Variants in LIPC observed in about 807,000 individuals in gnomAD.
LIPC encodes hepatic triacylglycerol lipase.
Under a neutral mutation model 50.7 loss-of-function variants are expected in LIPC, and 44 were observed. That is an observed-to-expected ratio of 0.87 (90% CI 0.68 to 1.11). The LOEUF (loss-of-function observed/expected upper bound fraction) is 1.11, where lower values mean the gene tolerates loss of function less well. Ranked by LOEUF, LIPC falls within the 50% of genes most tolerant of loss-of-function variation. The pLI is 0.00. For missense variants in LIPC, 697 were observed against 648.2 expected (o/e 1.08, Z -0.82); for synonymous variants, 271 against 256.4 (o/e 1.06, Z -0.54).
chr15:58,490,123 A>G (rs1218460305), intron 1 of LIPC, among the ~76,000 whole-genome samples: 1 of 152,224 alleles, frequency 6.6e-6, no homozygotes, highest in African/African-American at 2.4e-5. Context: ...CATTTTTGAA[A>G]CTGGGAAAAT....
chr15:58,531,644 A>AAC (rs1555404494), intron 1 of LIPC, among the ~76,000 whole-genome samples: 1 of 149,356 alleles, frequency 6.7e-6, no homozygotes, highest in South Asian at 2.1e-4. Context: ...AAAAAAAAAA[A>AAC]CCCCAGAATA....
chr15:58,557,752 T>A (rs969628394), intron 6 of LIPC, among the ~76,000 whole-genome samples: 2 of 152,170 alleles, frequency 1.3e-5, no homozygotes, highest in African/African-American at 4.8e-5. Context: ...TTAATACATA[T>A]CATATTAAAC....
intron 1 of LIPC, among the ~76,000 whole-genome samples, chr15:58,457,469 G>A (rs147932910): frequency 6.6e-6 from 1 of 152,166 alleles, no homozygotes; most frequent in African/African-American, 2.4e-5. Flanking sequence ...AGGCCTACAA[G>A]GCACCCCGTT....
At position 58,538,406 on chromosome 15, in the gene LIPC, CTT is replaced by C. The variant is rs776917225; in HGVS notation, c.164_165del (p.Phe55TrpfsTer146). ...ATGAGATGAAGACCAGATTCCTGCTCTTTGGAGAAACCAATCAGGGCTGTCAG... is the reference window on the plus strand; with the variant it reads ...ATGAGATGAAGACCAGATTCCTGCTCTGGAGAAACCAATCAGGGCTGTCAG... The part of the protein sequence containing the change: ...LHEMKTRFLL[F>X]GETNQGCQIR... On this transcript the variant is annotated frameshift_variant, in exon 2 of 9. Transcript: ENST00000299022. LOFTEE classifies it high-confidence loss of function. 1.2e-6 allele frequency: 2 copies of C among 1,614,152 alleles called. No individual in the cohort carries two copies. The highest frequency in any genetic ancestry group is 1.7e-6 in the Non-Finnish European group (2 of 1,180,016).
At chr15:58,470,760 C>T (rs1894764924) in intron 1 of LIPC, among the ~76,000 whole-genome samples, 1 of 152,100 alleles carries the variant, frequency 6.6e-6, no homozygotes, top group Non-Finnish European at 1.5e-5. Context: ...CCACCACACA[C>T]AGCTAATTTT....
At chr15:58,481,740 G>A (rs113194763) in intron 1 of LIPC, among the ~76,000 whole-genome samples, 6,726 of 152,244 alleles carry the variant, frequency 0.044, 187 homozygotes, top group Admixed American at 0.066. Context: ...CAGAGGTTAC[G>A]GTGAGCCGAG....
At chr15:58,433,519 C>T (rs1893191289) in intron 1 of LIPC, among the ~76,000 whole-genome samples, 1 of 152,342 alleles carries the variant, frequency 6.6e-6, no homozygotes, top group African/African-American at 2.4e-5. Context: ...GTCAACCATG[C>T]AGTTTCGTGG....
At chr15:58,564,112 A>T (rs6494023) in intron 8 of LIPC, 273,240 of 277,502 alleles carry the variant, frequency 0.98, 134,662 homozygotes, top group Non-Finnish European at 1. Flanking sequence ...TTGCCCAAAG[A>T]AAATCTTTTA....
intron 1 of LIPC, among the ~76,000 whole-genome samples, chr15:58,479,919 G>T (rs546506188): frequency 6.6e-6 from 1 of 152,272 alleles, no homozygotes; most frequent in South Asian, 2.1e-4. Context: ...GCCTCAGTTT[G>T]CTTCTCTGTA....
At position 58,538,456 on chromosome 15, in the gene LIPC, C is replaced by A. The variant is rs768938270; in HGVS notation, c.212C>A (p.Thr71Lys). Residue 71 changes from threonine to lysine, a missense_variant, in exon 2 of 9, where the codon ACG becomes AAG. Transcript: ENST00000299022. Reference protein sequence around the residue: ...GCQIRINHPDTLQECGFNSSL... With the variant: ...GCQIRINHPDKLQECGFNSSL... The stretch of plus-strand genomic sequence containing the variant: ...CAGATTCGAATCAATCATCCGGACA[C>A]GTTACAGGAGTGCGGCTTCAACTCC... 1.2e-6 allele frequency: 2 copies of A among 1,614,160 alleles called. No homozygotes were observed. Among genetic ancestry groups the A allele is most frequent in the East Asian group, 4.5e-5 (2 of 44,886 alleles).
intron 8 of LIPC, 173 bp downstream of exon 8, chr15:58,563,896 G>A: frequency 3.0e-6 from 2 of 672,402 alleles, no homozygotes; most frequent in East Asian, 2.8e-5. Context: ...ACAGCCACAG[G>A]TGCCAGGACA....
chr15:58,510,797 AC>A (rs1892305373), intron 1 of LIPC, among the ~76,000 whole-genome samples: 1 of 152,268 alleles, frequency 6.6e-6, no homozygotes, highest in Admixed American at 6.5e-5. Flanking sequence ...TCAATGAAAT[AC>A]TATAATAAAC....
At chr15:58,540,752 C>T (rs1222718715) in intron 2 of LIPC, among the ~76,000 whole-genome samples, 1 of 152,154 alleles carries the variant, frequency 6.6e-6, no homozygotes, top group Admixed American at 6.5e-5. Context: ...GCCTGGGATG[C>T]CCTAGACCTC....
intron 3 of LIPC, 129 bp from the exon 4 acceptor site, chr15:58,542,405 G>C (rs1172211276): frequency 1.3e-6 from 1 of 755,646 alleles, no homozygotes; most frequent in Non-Finnish European, 2.4e-6. Flanking sequence ...TTTCAGTTTG[G>C]AGTGTGAATA....
rs375429385 is a variant in LIPC at position 58,542,631 on chromosome 15, A to C, written c.554A>C (p.His185Pro). ...GFAGSSIGGT[H>P]KIGRITGLDA... is the part of the protein sequence containing the mutation. ...GCCGGCAGTTCCATCGGTGGAACGC[A>C]CAAGATTGGGAGAATCACAGGTAAC... The change falls in exon 4 of 9, where the codon CAC becomes CCC. Residue 185 changes from histidine (H) to proline (P), a missense_variant. Transcript: ENST00000299022. 6.2e-7 allele frequency: 1 copy of C among 1,612,160 alleles called. No individual in the cohort carries two copies.
chr15:58,441,739 T>G (rs1893515153), intron 1 of LIPC, among the ~76,000 whole-genome samples: 2 of 152,244 alleles, frequency 1.3e-5, no homozygotes, highest in Admixed American at 6.5e-5. Context: ...TAGTTATCAC[T>G]AATTATTATT....
At chr15:58,490,683 T>C (rs1409614281) in intron 1 of LIPC, among the ~76,000 whole-genome samples, 1 of 152,106 alleles carries the variant, frequency 6.6e-6, no homozygotes, top group African/African-American at 2.4e-5. Flanking sequence ...TATGGAGAAA[T>C]GTTTTCTCCC....
At chr15:58,436,528 G>C (rs570509134) in intron 1 of LIPC, 32 of 280,986 alleles carry the variant, frequency 1.1e-4, no homozygotes, top group African/African-American at 6.4e-4. Context: ...AACTAAAGAA[G>C]AAATCGAGAA....
At chr15:58,484,983 G>A (rs934588496) in intron 1 of LIPC, among the ~76,000 whole-genome samples, 2 of 152,154 alleles carry the variant, frequency 1.3e-5, no homozygotes, top group Non-Finnish European at 2.9e-5. Context: ...GGAAAAGAAG[G>A]AAGAAAACAG....
Sources: allele counts gnomAD v4.1 joint callset (sites outside exome capture counted in the v4.1 genomes callset), GRCh38; gene constraint gnomAD v4.1.1; transcripts MANE v1.5; gene names NCBI Gene and HGNC (gene_info 2026-07-23, HGNC 2026-07-21).